Variants in GRIN3A observed in about 807,000 individuals in gnomAD.
The protein encoded by GRIN3A is glutamate ionotropic receptor NMDA type subunit 3A.
Under a neutral mutation model 92.4 loss-of-function variants are expected in GRIN3A, and 47 were observed. The ratio of observed to expected loss-of-function variants is 0.51; its 90% CI spans 0.40 to 0.65. GRIN3A has a LOEUF of 0.65. GRIN3A is among the 30% of genes least tolerant of loss of function. The pLI is 0.00. For synonymous variants in GRIN3A, 527 were observed against 540.6 expected (o/e 0.97, Z 0.35); for missense variants, 1,324 against 1,393.1 (o/e 0.95, Z 0.79).
chr9:101,673,640 G>A (rs953739272), intron 2 of GRIN3A, among the ~76,000 whole-genome samples: 2 of 152,034 alleles, frequency 1.3e-5, no homozygotes, highest in Non-Finnish European at 2.9e-5. Flanking sequence ...ATATCAAAAG[G>A]CTGAAATCCT....
intron 3 of GRIN3A, among the ~76,000 whole-genome samples, chr9:101,657,744 G>T (rs1317500885): frequency 6.6e-6 from 1 of 151,396 alleles, no homozygotes; most frequent in Admixed American, 6.6e-5. Context: ...GTGGATGGAA[G>T]ACACTATGCA....
At chr9:101,625,184 A>T (rs188413188) in intron 4 of GRIN3A, among the ~76,000 whole-genome samples, 27 of 152,114 alleles carry the variant, frequency 1.8e-4, no homozygotes, top group Middle Eastern at 3.4e-3. Flanking sequence ...TTTATTTTTT[A>T]AAAATAAAAA....
At chr9:101,630,526 A>G (rs936637890) in intron 3 of GRIN3A, among the ~76,000 whole-genome samples, 9 of 152,184 alleles carry the variant, frequency 5.9e-5, no homozygotes, top group African/African-American at 2.2e-4. Context: ...CATTTGTCCA[A>G]GGTCACAGAG....
rs551976713 is a variant in GRIN3A at position 101,723,065 on chromosome 9, G to A, written c.699+14216C>T. ...GATTCCCATGTGTTGTGGGAGGCAC[G>A]CAGGGGGAGGTAATTGAATCATGGG... On this transcript the variant is annotated intron_variant, in intron 1 of 8. Transcript: ENST00000361820. Among the ~76,000 whole-genome samples, 3 of 152,254 alleles carry A rather than the reference G, an allele frequency of 2.0e-5. No homozygotes were observed. The South Asian group carries it at 6.2e-4, about 32-fold the overall frequency.
At chr9:101,641,298 C>G (rs549578041) in intron 3 of GRIN3A, among the ~76,000 whole-genome samples, 3 of 151,922 alleles carry the variant, frequency 2.0e-5, no homozygotes, top group African/African-American at 7.3e-5. Flanking sequence ...ATATACCCAA[C>G]GGATTATAAA....
intron 6 of GRIN3A, chr9:101,601,200 G>A (rs1828205834): frequency 6.6e-6 from 1 of 151,968 alleles, no homozygotes; most frequent in Admixed American, 6.6e-5. Flanking sequence ...GCTTATAATG[G>A]CTGAAGTACT....
chr9:101,724,073 G>C (rs545161920), intron 1 of GRIN3A, among the ~76,000 whole-genome samples: 13 of 152,324 alleles, frequency 8.5e-5, no homozygotes, highest in Non-Finnish European at 1.0e-4. Context: ...CTGCACCGGG[G>C]CTGCAGGTGG....
At chr9:101,716,374 C>T (rs10448294) in intron 1 of GRIN3A, among the ~76,000 whole-genome samples, 3,909 of 152,268 alleles carry the variant, frequency 0.026, 70 homozygotes, top group Admixed American at 0.052. Context: ...TACATGTCAG[C>T]TGCTGTCATT....
chr9:101,594,953 G>T, intron 6 of GRIN3A: 2 of 1,582,094 alleles, frequency 1.3e-6, no homozygotes, highest in Non-Finnish European at 1.7e-6. Context: ...ACGGCTCAAA[G>T]GGTCGGAGAG....
At chr9:101,728,743 A>C (rs1297493900) in intron 1 of GRIN3A, among the ~76,000 whole-genome samples, 1 of 152,226 alleles carries the variant, frequency 6.6e-6, no homozygotes, top group Non-Finnish European at 1.5e-5. Context: ...GTGTAAATGC[A>C]CAGGTAGTAG....
At chr9:101,727,923 A>T (rs1457818410) in intron 1 of GRIN3A, among the ~76,000 whole-genome samples, 1 of 151,022 alleles carries the variant, frequency 6.6e-6, no homozygotes, top group Non-Finnish European at 1.5e-5. Flanking sequence ...ACATTGAAGC[A>T]TTTCTTTATG....
intron 1 of GRIN3A, among the ~76,000 whole-genome samples, chr9:101,692,383 C>T (rs1829631038): frequency 6.6e-6 from 1 of 152,130 alleles, no homozygotes; most frequent in African/African-American, 2.4e-5. Context: ...TCTTTGTTCT[C>T]TCAGAGAGCA....
chr9:101,593,691 T>A (rs145260234), intron 6 of GRIN3A: 129 of 152,388 alleles, frequency 8.5e-4, no homozygotes, highest in African/African-American at 2.9e-3. Flanking sequence ...GGAAACCCAC[T>A]GCTAATGAGG....
intron 7 of GRIN3A, among the ~76,000 whole-genome samples, chr9:101,578,740 C>T (rs1290905669): frequency 6.6e-6 from 1 of 152,162 alleles, no homozygotes; most frequent in African/African-American, 2.4e-5. Context: ...CCTTGTGAAG[C>T]TTGGCCTTGG....
intron 3 of GRIN3A, among the ~76,000 whole-genome samples, chr9:101,631,282 G>A (rs1356658941): frequency 6.6e-6 from 1 of 152,084 alleles, no homozygotes; most frequent in African/African-American, 2.4e-5. Flanking sequence ...GAACTTAGAG[G>A]AAGGTGACAG....
chr9:101,579,106 C>G, intron 7 of GRIN3A, 90 bp downstream of exon 7: 2 of 1,336,384 alleles, frequency 1.5e-6, no homozygotes, highest in South Asian at 2.4e-5. Flanking sequence ...GGTAACATAA[C>G]TTAGTAGTCT....
At chr9:101,708,258 T>G in intron 1 of GRIN3A, among the ~76,000 whole-genome samples, 1 of 152,168 alleles carries the variant, frequency 6.6e-6, no homozygotes, top group East Asian at 1.9e-4. Context: ...GAATAGTAAA[T>G]TAGACTTCAT....
intron 8 of GRIN3A, among the ~76,000 whole-genome samples, chr9:101,573,958 C>T (rs1243701868): frequency 2.0e-5 from 3 of 152,000 alleles, no homozygotes; most frequent in Non-Finnish European, 4.4e-5. Context: ...TGACAGATCT[C>T]ATAACATGGC....
intron 3 of GRIN3A, among the ~76,000 whole-genome samples, chr9:101,643,432 C>A (rs1053985470): frequency 6.6e-6 from 1 of 151,866 alleles, no homozygotes; most frequent in Non-Finnish European, 1.5e-5. Context: ...GAAAATGTAA[C>A]CCTTGTACAC....
Sources: gnomAD v4.1 joint callset for allele counts (sites outside exome capture counted in the v4.1 genomes callset) on GRCh38, gnomAD v4.1.1 for gene constraint, MANE v1.5 for transcripts, NCBI Gene and HGNC (gene_info 2026-07-23, HGNC 2026-07-21) for gene names.